The following TMEM165 variants were observed in gnomAD, a reference collection of about 807,000 sequenced individuals.
TMEM165 encodes putative divalent cation/proton antiporter TMEM165.
Under a neutral mutation model 30.0 loss-of-function variants are expected in TMEM165, and 19 were observed. That is an observed-to-expected ratio of 0.63 (90% CI 0.44 to 0.93). The LOEUF is 0.93. Ranked by LOEUF, TMEM165 falls within the 40% of genes least tolerant of loss-of-function variation. The pLI is 0.00. For synonymous variants in TMEM165, 168 were observed against 162.9 expected, an observed-to-expected ratio of 1.03 and a Z score of -0.24; for missense variants, 340 against 417.0, an observed-to-expected ratio of 0.82 and a Z score of 1.61.
intron 3 of TMEM165, among the ~76,000 whole-genome samples, chr4:55,444,167 A>G (rs922482185): frequency 5.9e-5 from 9 of 152,218 alleles, no homozygotes; most frequent in Admixed American, 1.3e-4. Flanking sequence ...TTTATAATTT[A>G]TAACATCACA....
chr4:55,442,140 C>G (rs1015503144), intron 3 of TMEM165: 4 of 332,224 alleles, frequency 1.2e-5, no homozygotes, highest in Admixed American at 4.3e-5. Context: ...AAAAGCTTCA[C>G]AGTGACACAG....
chr4:55,422,768 G>C lies in TMEM165; in HGVS notation c.793-1770G>C, dbSNP rs867322367. On this transcript the variant is annotated intron_variant, in intron 4 of 5. Transcript: ENST00000381334. ...GATTCAAGCCAATTCTCCTGCCTCAGCCTGCCCAGTAGTTGGGACTACAGG... is the reference window on the plus strand; with the variant it reads ...GATTCAAGCCAATTCTCCTGCCTCACCCTGCCCAGTAGTTGGGACTACAGG... Among the ~76,000 whole-genome samples, 5 of 151,998 alleles carry C rather than the reference G, an allele frequency of 3.3e-5. No individual in the cohort carries two copies. In the Middle Eastern group the frequency reaches 0.01, roughly 312 times the overall value.
At chr4:55,432,474 C>T (rs1005931910) in intron 3 of TMEM165, 6 of 134,826 alleles carry the variant, frequency 4.5e-5, no homozygotes, top group South Asian at 2.5e-4. Context: ...AGAGGGAAGA[C>T]TTTTTTTTTT....
In TMEM165 at chr4:55,446,126, CAG is replaced by C. The variant is rs377526082; in HGVS notation, c.409-6110_409-6109del. ...CTTTTTTTTTTTTTTTTTTTTGAGACAGAGTCACCCAAGCTGGAATGCAGTGG... is the reference window on the plus strand; with the variant it reads ...CTTTTTTTTTTTTTTTTTTTTGAGACAGTCACCCAAGCTGGAATGCAGTGG... On this transcript the variant is annotated intron_variant, in intron 3 of 3. Transcript: ENST00000608091. 4.0e-3 allele frequency among the ~76,000 whole-genome samples: 515 copies of C among 127,684 alleles called. 3 individuals carry two copies. Among genetic ancestry groups the C allele is most frequent in the African/African-American group, 0.015 (489 of 32,946 alleles). 83.8% of individuals were successfully genotyped at this position (127,684 alleles called of 152,430 possible).
chr4:55,399,059 A>G (rs1177607080), intron 1 of TMEM165: 1 of 152,172 alleles, frequency 6.6e-6, no homozygotes, highest in Non-Finnish European at 1.5e-5. Flanking sequence ...AGCTGACTAT[A>G]TAGTTAATTC....
At chr4:55,435,360 A>G in intron 3 of TMEM165, 2 of 1,599,692 alleles carry the variant, frequency 1.3e-6, no homozygotes, top group Non-Finnish European at 1.7e-6. Flanking sequence ...CATCTGAGTA[A>G]CTCTTAATGG....
At chr4:55,399,168 T>C (rs1326334236) in intron 1 of TMEM165, 9 of 152,198 alleles carry the variant, frequency 5.9e-5, no homozygotes, top group Admixed American at 1.3e-4. Flanking sequence ...AGAGATATAA[T>C]GCAGTGATGT....
At chr4:55,404,737 A>AT (rs1260773639) in intron 1 of TMEM165, among the ~76,000 whole-genome samples, 1 of 152,112 alleles carries the variant, frequency 6.6e-6, no homozygotes, top group Non-Finnish European at 1.5e-5. Context: ...CACAAATTCC[A>AT]TTTTTTGAAA....
chr4:55,400,387 TAAATA>T (rs1240765713), intron 1 of TMEM165, among the ~76,000 whole-genome samples: 8 of 115,482 alleles, frequency 6.9e-5, no homozygotes, highest in African/African-American at 2.6e-4. Flanking sequence ...ATAATAATAA[TAAATA>T]ATATTAATAT....
downstream of TMEM165, among the ~76,000 whole-genome samples, chr4:55,427,367 CT>C (rs540069502): frequency 0.022 from 430 of 19,984 alleles, 2 homozygotes; most frequent in African/African-American, 0.13. Flanking sequence ...TGGAGACAAT[CT>C]ATCTCACTCT....
At chr4:55,430,254 A>G (rs1163289534), downstream of TMEM165, 1 of 152,162 alleles carries the variant, frequency 6.6e-6, no homozygotes, top group Non-Finnish European at 1.5e-5. Flanking sequence ...GTCTCTCCAT[A>G]AACTATATCC....
At chr4:55,397,719 T>TTTCCTTTCCTTTCTCCC (rs1213385991) in intron 1 of TMEM165, among the ~76,000 whole-genome samples, 2 of 151,744 alleles carry the variant, frequency 1.3e-5, no homozygotes, top group Non-Finnish European at 2.9e-5. Flanking sequence ...TCCTTTCCTT[T>TTTCCTTTCCTTTCTCCC]TTCCTTTCCT....
At chr4:55,400,449 T>G (rs1400474840) in intron 1 of TMEM165, among the ~76,000 whole-genome samples, 1 of 136,362 alleles carries the variant, frequency 7.3e-6, no homozygotes, top group Non-Finnish European at 1.5e-5. Flanking sequence ...ATATATAATA[T>G]ATATATATTT....
chr4:55,426,589 A>T (rs1722210797), downstream of TMEM165, among the ~76,000 whole-genome samples: 1 of 152,238 alleles, frequency 6.6e-6, no homozygotes. Context: ...ATGCAGTAAC[A>T]TTCCCATTAA....
chr4:55,430,705 T>C (rs1722439827), downstream of TMEM165: 1 of 152,140 alleles, frequency 6.6e-6, no homozygotes, highest in African/African-American at 2.4e-5. Context: ...TCAGAATAAT[T>C]CTTGAAATTA....
At chr4:55,412,939 C>G (rs970157631) in intron 2 of TMEM165, among the ~76,000 whole-genome samples, 3 of 151,886 alleles carry the variant, frequency 2.0e-5, no homozygotes, top group African/African-American at 4.8e-5. Flanking sequence ...ATTGGAAATA[C>G]ATCTCTTAAT....
intron 3 of TMEM165, among the ~76,000 whole-genome samples, chr4:55,441,852 TA>T (rs1422019779): frequency 6.6e-6 from 1 of 152,202 alleles, no homozygotes; most frequent in Admixed American, 6.5e-5. Flanking sequence ...CTTCCTGTAA[TA>T]TATGCTTAAG....
intron 3 of TMEM165, chr4:55,432,588 C>G (rs1577656317): frequency 7.8e-6 from 1 of 127,598 alleles, no homozygotes; most frequent in South Asian, 2.5e-4. Context: ...ACAGACACTG[C>G]TGAATCTTCA....
At chr4:55,420,580 C>T (rs1438564792) in intron 4 of TMEM165, among the ~76,000 whole-genome samples, 2 of 152,088 alleles carry the variant, frequency 1.3e-5, no homozygotes, top group Admixed American at 6.6e-5. Context: ...TCAGTGTTAG[C>T]CACACTTCCA....
Sources: gnomAD v4.1 joint callset for allele counts (sites outside exome capture counted in the v4.1 genomes callset) on GRCh38, gnomAD v4.1.1 for gene constraint, MANE v1.5 for transcripts, NCBI Gene and HGNC (gene_info 2026-07-23, HGNC 2026-07-21) for gene names.